CTXND2: variants seen among roughly 807,000 people sequenced by gnomAD.
The protein encoded by CTXND2 is cortexin domain containing 2.
intron 1 of CTXND2, among the ~76,000 whole-genome samples, chr1:150,900,975 G>T (rs1669013144): frequency 1.3e-5 from 2 of 152,100 alleles, no homozygotes; most frequent in South Asian, 4.1e-4. Context: ...AGCTGCACAT[G>T]GTGGCATGCA....
intron 1 of CTXND2, among the ~76,000 whole-genome samples, chr1:150,911,131 C>A (rs1428168677): frequency 7.4e-6 from 1 of 135,982 alleles, no homozygotes; most frequent in African/African-American, 2.8e-5. Context: ...TTTTTTTGGT[C>A]GAGACAGGGT....
intron 1 of CTXND2, among the ~76,000 whole-genome samples, chr1:150,894,940 CAGG>C (rs1668896483): frequency 6.6e-6 from 1 of 151,934 alleles, no homozygotes. Context: ...GAGGCTGACA[CAGG>C]AGAATTGCTT....
intron 1 of CTXND2, among the ~76,000 whole-genome samples, chr1:150,900,556 G>A (rs2102598602): frequency 6.6e-6 from 1 of 152,132 alleles, no homozygotes; most frequent in East Asian, 1.9e-4. Context: ...AAACAGGCTG[G>A]AGAATCACTT....
In CTXND2 at chr1:150,889,784, A is replaced by G. The variant is rs918045025; in HGVS notation, c.-74+2471A>G. On this transcript the variant is annotated intron_variant, in intron 1 of 1. Coordinates refer to ENST00000636087, the Ensembl canonical transcript of CTXND2. The stretch of plus-strand genomic sequence containing the variant: ...TGAACTGTTGTATGCACTATGTGCC[A>G]GACACCGATAGAGATTCATATTAAT... Among the ~76,000 whole-genome samples the G allele has an allele frequency of 1.8e-4, 27 of 152,106 alleles. 1 individual carries two copies. The highest frequency in any genetic ancestry group is 6.3e-4 in the African/African-American group (26 of 41,444).
At chr1:150,906,625 A>G (rs897815) in intron 1 of CTXND2, among the ~76,000 whole-genome samples, 53,817 of 152,032 alleles carry the variant, frequency 0.35, 9,908 homozygotes, top group South Asian at 0.53. Context: ...TTTCTTGGCT[A>G]CAGAGATCTG....
intron 1 of CTXND2, among the ~76,000 whole-genome samples, chr1:150,895,214 T>G (rs1390813285): frequency 6.6e-6 from 1 of 152,074 alleles, no homozygotes; most frequent in Non-Finnish European, 1.5e-5. Context: ...CTTTAAATTT[T>G]AGGTGAATTT....
chr1:150,900,947 T>C (rs1397053584), intron 1 of CTXND2, among the ~76,000 whole-genome samples: 1 of 152,108 alleles, frequency 6.6e-6, no homozygotes, highest in Non-Finnish European at 1.5e-5. Flanking sequence ...AGATCTTGTC[T>C]CTACATAAAA....
At chr1:150,900,085 A>G (rs115530183) in intron 1 of CTXND2, among the ~76,000 whole-genome samples, 1 of 152,200 alleles carries the variant, frequency 6.6e-6, no homozygotes, top group East Asian at 1.9e-4. Flanking sequence ...AGCCAGCAGC[A>G]GCAACCCGTT....
intron 1 of CTXND2, among the ~76,000 whole-genome samples, chr1:150,900,028 G>A (rs587712281): frequency 1.3e-4 from 20 of 152,314 alleles, no homozygotes; most frequent in Non-Finnish European, 2.5e-4. Flanking sequence ...GGACCAATCA[G>A]CAGGACACGG....
At chr1:150,903,069 C>T (rs1028265519) in intron 1 of CTXND2, among the ~76,000 whole-genome samples, 5 of 152,110 alleles carry the variant, frequency 3.3e-5, no homozygotes, top group Non-Finnish European at 7.4e-5. Flanking sequence ...CTCCTGCTAT[C>T]TATTGTTTTA....
chr1:150,898,857 C>G (rs1668950319), intron 1 of CTXND2, among the ~76,000 whole-genome samples: 1 of 149,684 alleles, frequency 6.7e-6, no homozygotes, highest in South Asian at 2.1e-4. Context: ...GCGGGCGGAT[C>G]ACGAGGTCAG....
At chr1:150,899,002 G>T (rs1668955568) in intron 1 of CTXND2, among the ~76,000 whole-genome samples, 1 of 150,638 alleles carries the variant, frequency 6.6e-6, no homozygotes, top group African/African-American at 2.4e-5. Flanking sequence ...GGGGGCTGAG[G>T]CAGGAGAATG....
intron 1 of CTXND2, among the ~76,000 whole-genome samples, chr1:150,911,511 C>T (rs1253705918): frequency 6.6e-6 from 1 of 151,618 alleles, no homozygotes; most frequent in African/African-American, 2.4e-5. Context: ...TCTCGGCTTA[C>T]TGCAAACTCC....
At chr1:150,896,871 A>G (rs1439280351) in intron 1 of CTXND2, among the ~76,000 whole-genome samples, 1 of 152,102 alleles carries the variant, frequency 6.6e-6, no homozygotes, top group Non-Finnish European at 1.5e-5. Context: ...GACTAAAGTA[A>G]TATAATAAAT....
chr1:150,905,072 A>C (rs1056999172), intron 1 of CTXND2, among the ~76,000 whole-genome samples: 1 of 149,272 alleles, frequency 6.7e-6, no homozygotes, highest in Non-Finnish European at 1.5e-5. Flanking sequence ...CCACACACAC[A>C]CACACACACA....
intron 1 of CTXND2, among the ~76,000 whole-genome samples, chr1:150,891,797 G>T (rs1215916422): frequency 1.3e-5 from 2 of 152,008 alleles, no homozygotes; most frequent in Non-Finnish European, 2.9e-5. Flanking sequence ...ACTTTTAGCT[G>T]CCAGATAAAC....
At chr1:150,899,177 AC>A (rs1668959303) in intron 1 of CTXND2, among the ~76,000 whole-genome samples, 1 of 152,066 alleles carries the variant, frequency 6.6e-6, no homozygotes, top group African/African-American at 2.4e-5. Flanking sequence ...ATGGTGGCTC[AC>A]GCCTGTAATC....
At chr1:150,895,260 C>T (rs1188382868) in intron 1 of CTXND2, among the ~76,000 whole-genome samples, 1 of 151,896 alleles carries the variant, frequency 6.6e-6, no homozygotes, top group Non-Finnish European at 1.5e-5. Context: ...GGGGCCAAGA[C>T]CAAAGAATGG....
intron 1 of CTXND2, among the ~76,000 whole-genome samples, chr1:150,910,489 A>C (rs1002703900): frequency 1.3e-5 from 2 of 152,132 alleles, no homozygotes; most frequent in African/African-American, 4.8e-5. Flanking sequence ...TCATTTCAAA[A>C]TAAGGGTCTA....
Sources: gnomAD v4.1 joint callset for allele counts (sites outside exome capture counted in the v4.1 genomes callset) on GRCh38, gnomAD v4.1.1 for gene constraint, MANE v1.5 for transcripts, NCBI Gene and HGNC (gene_info 2026-07-23, HGNC 2026-07-21) for gene names.